The following LARGE1 variants were observed in gnomAD, a reference collection of about 807,000 sequenced individuals.
LARGE1 encodes the protein LARGE xylosyl- and glucuronyltransferase 1.
A neutral mutation model predicts 87.6 loss-of-function variants in LARGE1; 43 were observed. The observed-to-expected ratio is 0.49, with a 90% CI of 0.38 to 0.63. LARGE1 has a LOEUF of 0.63. Among genes scored for constraint, LARGE1 ranks in the 30% least tolerant of loss-of-function variants. The pLI, the probability that LARGE1 is intolerant of heterozygous loss-of-function variation, is 0.00. For missense variants in LARGE1, 802 were observed against 1,000.2 expected (o/e 0.80, Z 2.67); for synonymous variants, 434 against 394.6 (o/e 1.10, Z -1.18).
the LARGE1 span, among the ~76,000 whole-genome samples, chr22:33,088,021 A>G: frequency 6.6e-6 from 1 of 152,140 alleles, no homozygotes; most frequent in South Asian, 2.1e-4. Flanking sequence ...ACGTAGCCAG[A>G]GTAGCTACTG....
chr22:33,825,994 C>T (rs565030639), intron 1 of LARGE1, among the ~76,000 whole-genome samples: 10 of 152,264 alleles, frequency 6.6e-5, no homozygotes, highest in African/African-American at 1.7e-4. Context: ...TGCCAGGAAC[C>T]TCAATGCCAA....
chr22:33,783,659 A>G (rs1569444862), intron 1 of LARGE1, among the ~76,000 whole-genome samples: 2 of 152,130 alleles, frequency 1.3e-5, no homozygotes, highest in African/African-American at 2.4e-5. Context: ...TTTTGTTGTT[A>G]TTGTTGTTGT....
chr22:33,906,387 T>C (rs1479792442), intron 1 of LARGE1, among the ~76,000 whole-genome samples: 1 of 152,142 alleles, frequency 6.6e-6, no homozygotes, highest in Admixed American at 6.5e-5. Flanking sequence ...ACACCTGGGT[T>C]GTTGGATTAT....
chr22:33,733,432 A>C (rs2083539593), intron 2 of LARGE1: 1 of 152,226 alleles, frequency 6.6e-6, no homozygotes, highest in Admixed American at 6.5e-5. Context: ...TAATGAACTT[A>C]AACACTGGTG....
rs115101067 is a variant in LARGE1, at chr22:33,408,315, G to A, written c.892+23846C>T. ...AAACATTTTTAAAGGAAAAAATAAG[G>A]AGGAGTACATAATTGTTTTGAGTAA... On this transcript the variant is annotated intron_variant, in intron 7 of 14. Transcript: ENST00000397394. 4.0e-3 allele frequency among the ~76,000 whole-genome samples: 607 copies of A among 152,296 alleles called. 4 individuals carry two copies. Among genetic ancestry groups the A allele is most frequent in the African/African-American group, 0.014 (585 of 41,568 alleles).
At chr22:33,661,661 C>T (rs1210031810) in intron 2 of LARGE1, among the ~76,000 whole-genome samples, 1 of 152,048 alleles carries the variant, frequency 6.6e-6, no homozygotes, top group Non-Finnish European at 1.5e-5. Context: ...CATTCCTGCT[C>T]CTTGGGCTTC....
intron 1 of LARGE1, among the ~76,000 whole-genome samples, chr22:33,880,553 T>C (rs2064646264): frequency 6.6e-6 from 1 of 152,190 alleles, no homozygotes; most frequent in African/African-American, 2.4e-5. Flanking sequence ...CACTCTTACC[T>C]GATCCTGTGG....
chr22:33,849,898 G>T (rs2063539948), intron 1 of LARGE1, among the ~76,000 whole-genome samples: 1 of 152,118 alleles, frequency 6.6e-6, no homozygotes, highest in Non-Finnish European at 1.5e-5. Flanking sequence ...ACTGCGCCCG[G>T]ACTCCTTTAG....
At chr22:33,154,777 A>T in the LARGE1 span, among the ~76,000 whole-genome samples, 1 of 152,116 alleles carries the variant, frequency 6.6e-6, no homozygotes, top group African/African-American at 2.4e-5. Flanking sequence ...TAAGATACAG[A>T]TTTGATATGG....
At chr22:33,090,357 G>A in the LARGE1 span, among the ~76,000 whole-genome samples, 3 of 152,156 alleles carry the variant, frequency 2.0e-5, no homozygotes, top group Non-Finnish European at 4.4e-5. Flanking sequence ...AAAAAAATGA[G>A]CAGACTGAGG....
At chr22:33,295,276 G>T (rs1365550539) in intron 12 of LARGE1, among the ~76,000 whole-genome samples, 1 of 152,194 alleles carries the variant, frequency 6.6e-6, no homozygotes, top group African/African-American at 2.4e-5. Flanking sequence ...AGCTAGTGAT[G>T]TGTGATGAGA....
chr22:33,131,222 GC>G, the LARGE1 span, among the ~76,000 whole-genome samples: 5 of 151,886 alleles, frequency 3.3e-5, no homozygotes, highest in African/African-American at 9.7e-5. Flanking sequence ...TGCTATTATA[GC>G]CCAAGGTAAG....
intron 6 of LARGE1, among the ~76,000 whole-genome samples, chr22:33,447,712 TG>T (rs1455054574): frequency 2.0e-5 from 3 of 152,030 alleles, no homozygotes; most frequent in Admixed American, 2.0e-4. Context: ...CTTCTGGGCG[TG>T]GGGTAAGTCC....
At chr22:33,615,371 C>G (rs1483335393) in intron 4 of LARGE1, among the ~76,000 whole-genome samples, 1 of 152,122 alleles carries the variant, frequency 6.6e-6, no homozygotes, top group Non-Finnish European at 1.5e-5. Context: ...AAGTTAGGTA[C>G]AGAGGCACTT....
chr22:33,303,550 C>G (rs1359871287), intron 12 of LARGE1, among the ~76,000 whole-genome samples: 2 of 152,146 alleles, frequency 1.3e-5, no homozygotes, highest in Non-Finnish European at 2.9e-5. Flanking sequence ...AAAGACTGGG[C>G]AATAATCTTT....
chr22:33,071,608 A>C, the LARGE1 span, among the ~76,000 whole-genome samples: 591 of 152,336 alleles, frequency 3.9e-3, 6 homozygotes, highest in Non-Finnish European at 3.5e-3. Flanking sequence ...AACAAGACAC[A>C]TGGAGCCCCT....
At chr22:33,420,717 G>C (rs2066660774) in intron 7 of LARGE1, among the ~76,000 whole-genome samples, 1 of 152,188 alleles carries the variant, frequency 6.6e-6, no homozygotes, top group Admixed American at 6.5e-5. Context: ...AGAGAAGCTT[G>C]GCACATTGCA....
chr22:33,651,344 A>T (rs1222182270), intron 2 of LARGE1, among the ~76,000 whole-genome samples: 3 of 140,058 alleles, frequency 2.1e-5, no homozygotes, highest in Non-Finnish European at 4.6e-5. Context: ...GTGAGCCGAG[A>T]TCGCACCACT....
chr22:33,280,058 C>T (rs777519293), intron 13 of LARGE1, among the ~76,000 whole-genome samples: 32 of 152,086 alleles, frequency 2.1e-4, no homozygotes, highest in Non-Finnish European at 7.3e-5. Context: ...AAGAGTCTGG[C>T]GCAGTATTGA....
Sources: allele counts gnomAD v4.1 joint callset (sites outside exome capture counted in the v4.1 genomes callset), GRCh38; gene constraint gnomAD v4.1.1; transcripts MANE v1.5; gene names NCBI Gene and HGNC (gene_info 2026-07-23, HGNC 2026-07-21).